Variants in KIAA1217 observed in about 807,000 individuals in gnomAD.
KIAA1217 encodes the protein sickle tail protein homolog.
A neutral mutation model predicts 163.9 loss-of-function variants in KIAA1217; 88 were observed. The observed-to-expected ratio is 0.54, with a 90% confidence interval of 0.45 to 0.64. KIAA1217 has a LOEUF of 0.64. Ranked by LOEUF, KIAA1217 falls within the 30% of genes least tolerant of loss-of-function variation. KIAA1217 has a pLI of 0.00. For synonymous variants in KIAA1217, 903 were observed against 923.1 expected, an observed-to-expected ratio of 0.98 and a Z score of 0.39; for missense variants, 2,372 against 2,475.0, an observed-to-expected ratio of 0.96 and a Z score of 0.88.
At chr10:24,269,784 C>A (rs1383611140) in intron 2 of KIAA1217, among the ~76,000 whole-genome samples, 1 of 152,174 alleles carries the variant, frequency 6.6e-6, no homozygotes, top group Non-Finnish European at 1.5e-5. Context: ...TCAAACACTG[C>A]AGATATTTAT....
intron 1 of KIAA1217, among the ~76,000 whole-genome samples, chr10:23,845,820 G>C (rs1291520048): frequency 2.0e-5 from 3 of 152,168 alleles, no homozygotes; most frequent in Non-Finnish European, 4.4e-5. Flanking sequence ...CCTATGTCCT[G>C]AATTTTATTG....
intron 3 of KIAA1217, among the ~76,000 whole-genome samples, chr10:24,415,217 C>A (rs1198125856): frequency 2.7e-5 from 4 of 150,674 alleles, no homozygotes; most frequent in African/African-American, 7.3e-5. Flanking sequence ...CAGGTTCAAG[C>A]GATTCTCCTG....
chr10:23,700,925 T>C (rs985817664), intron 1 of KIAA1217, among the ~76,000 whole-genome samples: 1 of 152,226 alleles, frequency 6.6e-6, no homozygotes, highest in Non-Finnish European at 1.5e-5. Context: ...GAGATTTTTT[T>C]TTTCTGTTTT....
At chr10:24,123,966 T>C (rs928139855) in intron 2 of KIAA1217, among the ~76,000 whole-genome samples, 3 of 152,224 alleles carry the variant, frequency 2.0e-5, no homozygotes, top group Non-Finnish European at 4.4e-5. Context: ...GGGTAATATA[T>C]GATTTGCAAA....
At chr10:24,152,261 T>C (rs2064655001) in intron 2 of KIAA1217, among the ~76,000 whole-genome samples, 1 of 152,230 alleles carries the variant, frequency 6.6e-6, no homozygotes, top group Admixed American at 6.5e-5. Context: ...CTACATTTGC[T>C]GTAAATGCCC....
intron 1 of KIAA1217, among the ~76,000 whole-genome samples, chr10:23,880,461 G>T (rs1339877707): frequency 6.6e-6 from 1 of 151,858 alleles, no homozygotes; most frequent in Non-Finnish European, 1.5e-5. Context: ...AAGGGTAGTT[G>T]GGAGAGGAAG....
chr10:24,187,561 A>G (rs998622658), intron 2 of KIAA1217, among the ~76,000 whole-genome samples: 3 of 152,222 alleles, frequency 2.0e-5, no homozygotes, highest in Admixed American at 2.0e-4. Context: ...GGCCTCCTGC[A>G]TTCAATTTCT....
intron 1 of KIAA1217, among the ~76,000 whole-genome samples, chr10:23,919,949 C>G: frequency 6.6e-6 from 1 of 152,120 alleles, no homozygotes; most frequent in Admixed American, 6.5e-5. Flanking sequence ...ACAATTTTTA[C>G]AGGGCACAAT....
At chr10:23,824,495 A>G (rs1243544793) in intron 1 of KIAA1217, among the ~76,000 whole-genome samples, 1 of 76,280 alleles carries the variant, frequency 1.3e-5, no homozygotes, top group African/African-American at 8.0e-5. Flanking sequence ...CAGCATGGTG[A>G]CATGGGCCTC....
At chr10:24,521,478 G>A (rs922697976) in intron 11 of KIAA1217, among the ~76,000 whole-genome samples, 3 of 152,168 alleles carry the variant, frequency 2.0e-5, no homozygotes, top group Admixed American at 2.0e-4. Flanking sequence ...CTGCACTCCA[G>A]CCTGGATGAC....
chr10:24,200,458 T>C (rs1032804510), intron 2 of KIAA1217, among the ~76,000 whole-genome samples: 2 of 152,148 alleles, frequency 1.3e-5, no homozygotes, highest in African/African-American at 4.8e-5. Context: ...ACCATGCCAC[T>C]GAGCCACTGT....
intron 6 of KIAA1217, 80 bp downstream of exon 6, chr10:24,474,140 C>A: frequency 9.7e-7 from 1 of 1,029,888 alleles, no homozygotes; most frequent in Non-Finnish European, 1.4e-6. Flanking sequence ...GTCAAACCGA[C>A]AGAATAAATG....
At chr10:24,056,266 C>T (rs990497173) in intron 2 of KIAA1217, among the ~76,000 whole-genome samples, 1 of 151,900 alleles carries the variant, frequency 6.6e-6, no homozygotes, top group Non-Finnish European at 1.5e-5. Context: ...AGATGGAGGT[C>T]ACGGTGAGCC....
At chr10:23,777,328 C>T (rs575640520) in intron 1 of KIAA1217, among the ~76,000 whole-genome samples, 72 of 152,256 alleles carry the variant, frequency 4.7e-4, no homozygotes, top group African/African-American at 1.7e-3. Flanking sequence ...TTTTCTTTTC[C>T]TTTCCAGTTT....
In KIAA1217 at chr10:23,945,833, C is replaced by G. The variant is rs529328612; in HGVS notation, c.-320-61392C>G. On this transcript the variant is annotated intron_variant, in intron 1 of 18. Transcript: ENST00000376462. The stretch of plus-strand genomic sequence containing the variant: ...ATGACAGGGGTGTGACAGGGCTATT[C>G]ACAGGAAAGAAGTAGAGAGTCTAAT... Among the ~76,000 whole-genome samples the G allele has an allele frequency of 7.2e-5, 11 of 152,172 alleles. No homozygotes were observed. The South Asian group carries it at 1.7e-3, about 23-fold the overall frequency.
chr10:23,934,244 G>C (rs1407073746), intron 1 of KIAA1217, among the ~76,000 whole-genome samples: 1 of 151,950 alleles, frequency 6.6e-6, no homozygotes, highest in African/African-American at 2.4e-5. Flanking sequence ...GCAGGGACAT[G>C]GATGAAGCTG....
At chr10:23,703,484 T>C (rs1836628299) in intron 1 of KIAA1217, among the ~76,000 whole-genome samples, 1 of 152,190 alleles carries the variant, frequency 6.6e-6, no homozygotes. Context: ...AAGGTTTTTA[T>C]TTGAGATACG....
intron 1 of KIAA1217, among the ~76,000 whole-genome samples, chr10:23,935,987 T>G (rs1387265813): frequency 6.6e-6 from 1 of 152,148 alleles, no homozygotes; most frequent in East Asian, 1.9e-4. Flanking sequence ...TTGCAGGACC[T>G]AATAGGAGCC....
intron 2 of KIAA1217, among the ~76,000 whole-genome samples, chr10:24,185,251 G>A (rs1165343778): frequency 1.3e-5 from 2 of 152,098 alleles, no homozygotes; most frequent in Non-Finnish European, 2.9e-5. Flanking sequence ...GCAGGATAAG[G>A]AATTCCAGTT....
Sources: gnomAD v4.1 joint callset for allele counts (sites outside exome capture counted in the v4.1 genomes callset) on GRCh38, gnomAD v4.1.1 for gene constraint, MANE v1.5 for transcripts, NCBI Gene and HGNC (gene_info 2026-07-23, HGNC 2026-07-21) for gene names.